Variants in SETBP1 observed in about 807,000 individuals in gnomAD.
The protein encoded by SETBP1 is SET-binding protein.
Under a neutral mutation model 101.0 loss-of-function variants are expected in SETBP1, and 9 were observed. That is an observed-to-expected ratio of 0.09 (90% CI 0.05 to 0.16). SETBP1 has a LOEUF of 0.16. Ranked by LOEUF, SETBP1 falls within the 10% of genes least tolerant of loss-of-function variation. The pLI is 1.00. For missense variants in SETBP1, 1,858 were observed against 2,033.8 expected (o/e 0.91, Z 1.66); for synonymous variants, 818 against 788.5 (o/e 1.04, Z -0.63).
intron 2 of SETBP1, among the ~76,000 whole-genome samples, chr18:44,767,211 G>T (rs117224521): frequency 8.5e-5 from 13 of 152,200 alleles, no homozygotes; most frequent in African/African-American, 3.1e-4. Context: ...CAGATGATGC[G>T]CTCATCTGCA....
In SETBP1 at chr18:44,953,172, C is replaced by T; in HGVS notation, c.3832C>T (p.Leu1278=). The T allele has an allele frequency of 1.9e-6, 3 of 1,614,102 alleles. No individual in the cohort carries two copies. The highest frequency in any genetic ancestry group is 8.5e-7 in the Non-Finnish European group (1 of 1,180,024). Residue 1278 remains leucine (L), a synonymous_variant, in exon 4 of 6, where the codon CTG becomes TTG. Transcript: ENST00000649279. ...GDGGSTRSEN[L]DVFSEMNPSN... ...TGGTGGCAGCACGAGATCAGAGAAC[C>T]TGGACGTGTTCAGTGAAATGAACCC...
intron 2 of SETBP1, among the ~76,000 whole-genome samples, chr18:44,709,812 ATTT>A (rs35610551): frequency 4.1e-5 from 5 of 121,578 alleles, no homozygotes; most frequent in Admixed American, 8.7e-5. Context: ...ATCACTAATG[ATTT>A]TTTTTTTTTT....
intron 3 of SETBP1, among the ~76,000 whole-genome samples, chr18:44,914,682 G>T (rs186040460): frequency 2.4e-4 from 36 of 152,256 alleles, no homozygotes; most frequent in African/African-American, 8.4e-4. Context: ...TTAGACTGAG[G>T]TGAGATTTTT....
chr18:44,746,540 G>T (rs1317113521), intron 2 of SETBP1, among the ~76,000 whole-genome samples: 1 of 152,158 alleles, frequency 6.6e-6, no homozygotes, highest in South Asian at 2.1e-4. Flanking sequence ...TCACACAGGG[G>T]TTATCAAATG....
chr18:44,917,235 G>A (rs1400463303), intron 3 of SETBP1, among the ~76,000 whole-genome samples: 2 of 152,174 alleles, frequency 1.3e-5, no homozygotes, highest in Non-Finnish European at 2.9e-5. Context: ...CTTACTTGCT[G>A]CATGTCAGTT....
At chr18:44,990,916 T>A (rs1599418886) in intron 4 of SETBP1, among the ~76,000 whole-genome samples, 2 of 85,858 alleles carry the variant, frequency 2.3e-5, no homozygotes, top group African/African-American at 4.7e-5. Context: ...TTACAAACCA[T>A]CAGAGAGAGA....
chr18:44,938,657 G>A (rs530553106), intron 3 of SETBP1, among the ~76,000 whole-genome samples: 82 of 152,266 alleles, frequency 5.4e-4, no homozygotes, highest in Admixed American at 1.6e-3. Flanking sequence ...TCCTTACCTC[G>A]GAGGAAGGTG....
intron 5 of SETBP1, among the ~76,000 whole-genome samples, chr18:45,061,642 A>G (rs1417513662): frequency 6.6e-6 from 1 of 152,204 alleles, no homozygotes; most frequent in Non-Finnish European, 1.5e-5. Context: ...CCTCCTGGCA[A>G]TCTGTGCTGG....
intron 2 of SETBP1, among the ~76,000 whole-genome samples, chr18:44,833,615 G>T (rs375422943): frequency 6.6e-6 from 1 of 152,326 alleles, no homozygotes; most frequent in East Asian, 1.9e-4. Flanking sequence ...CAATGCCTTC[G>T]AGGAGAGAGC....
intron 2 of SETBP1, among the ~76,000 whole-genome samples, chr18:44,862,959 T>C (rs1301897628): frequency 1.3e-5 from 2 of 152,224 alleles, no homozygotes; most frequent in Non-Finnish European, 2.9e-5. Flanking sequence ...TATTGAGTTG[T>C]TGCAGAACCA....
At chr18:44,812,141 G>T (rs2071876727) in intron 2 of SETBP1, among the ~76,000 whole-genome samples, 1 of 152,218 alleles carries the variant, frequency 6.6e-6, no homozygotes, top group African/African-American at 2.4e-5. Context: ...AGAGCTGCAT[G>T]TAAGTCTCTG....
At chr18:44,983,681 T>G (rs35086065) in intron 4 of SETBP1, among the ~76,000 whole-genome samples, 7,955 of 152,252 alleles carry the variant, frequency 0.052, 406 homozygotes, top group East Asian at 0.28. Flanking sequence ...AGTGCTTTCT[T>G]CTAGGCTTGG....
intron 4 of SETBP1, among the ~76,000 whole-genome samples, chr18:45,036,503 CA>C (rs746329323): frequency 1.3e-5 from 2 of 152,134 alleles, no homozygotes; most frequent in Non-Finnish European, 2.9e-5. Flanking sequence ...AGCACACCTG[CA>C]AATTTTACAA....
chr18:44,787,501 A>T (rs2071263059), intron 2 of SETBP1, among the ~76,000 whole-genome samples: 1 of 152,224 alleles, frequency 6.6e-6, no homozygotes, highest in Non-Finnish European at 1.5e-5. Context: ...ACAGACATGG[A>T]GTTTCTTGGG....
intron 3 of SETBP1, among the ~76,000 whole-genome samples, chr18:44,909,809 G>A (rs1057329059): frequency 4.6e-5 from 7 of 152,134 alleles, no homozygotes; most frequent in Admixed American, 1.3e-4. Context: ...GATCCGAGAC[G>A]TACCATGCTA....
chr18:45,048,901 A>G (rs1429172081), intron 5 of SETBP1, among the ~76,000 whole-genome samples: 1 of 143,254 alleles, frequency 7.0e-6, no homozygotes, highest in African/African-American at 2.6e-5. Context: ...GAACCCGGGA[A>G]GCGGAGCTTG....
rs570453228 is a variant in SETBP1 at position 44,746,851 on chromosome 18, C to T, written c.486+45019C>T. ...GTGAGGACAATAGGAAAGCTACGTG[C>T]ACATGTGATTGGAGACGATTCTGCA... On this transcript the variant is annotated intron_variant, in intron 2 of 5. Transcript: ENST00000649279. Among the ~76,000 whole-genome samples, 24 of 152,276 alleles carry T rather than the reference C, an allele frequency of 1.6e-4. No individual in the cohort carries two copies. In the South Asian group the frequency reaches 5.0e-3, roughly 32 times the overall value.
chr18:44,710,956 C>T (rs1205259085), intron 2 of SETBP1, among the ~76,000 whole-genome samples: 1 of 152,076 alleles, frequency 6.6e-6, no homozygotes, highest in East Asian at 1.9e-4. Flanking sequence ...GTTAAGTAGA[C>T]CCAGGTCCTC....
In SETBP1 at chr18:44,952,851, A is replaced by C. The variant is rs147540466; in HGVS notation, c.3511A>C (p.Ser1171Arg). 51 of 1,614,032 alleles carry C rather than the reference A, an allele frequency of 3.2e-5. No individual in the cohort carries two copies. The highest frequency in any genetic ancestry group is 3.8e-5 in the Non-Finnish European group (45 of 1,180,050). ...DRILGTHDNL[S>R]GLFAGKATGF... ...GATCCTAGGGACCCATGACAACCTG[A>C]GTGGTCTTTTTGCAGGCAAAGCCAC... Residue 1171 changes from serine to arginine, a missense_variant, in exon 4 of 6, where the codon AGT becomes CGT. Ser to Arg is a moderately radical substitution (Grantham distance 110, BLOSUM62 -1). Coordinates refer to ENST00000649279, the MANE Select transcript of SETBP1 (RefSeq NM_015559.3).
Sources: allele counts gnomAD v4.1 joint callset (sites outside exome capture counted in the v4.1 genomes callset), GRCh38; gene constraint gnomAD v4.1.1; transcripts MANE v1.5; gene names NCBI Gene and HGNC (gene_info 2026-07-23, HGNC 2026-07-21).